TTC39C: variants seen among roughly 807,000 people sequenced by gnomAD.
The protein encoded by TTC39C is tetratricopeptide repeat protein 39C.
Under a neutral mutation model 76.3 loss-of-function variants are expected in TTC39C, and 33 were observed. That is an observed-to-expected ratio of 0.43 (90% confidence interval 0.33 to 0.58). The LOEUF (loss-of-function observed/expected upper bound fraction) is 0.58. TTC39C is among the 20% of genes least tolerant of loss of function. TTC39C has a pLI of 0.04. For missense variants in TTC39C, 595 were observed against 701.4 expected (o/e 0.85, Z 1.71); for synonymous variants, 254 against 260.6 (o/e 0.97, Z 0.24).
At chr18:24,000,309 TAAG>T (rs1281187594) in intron 1 of TTC39C, 4 of 152,024 alleles carry the variant, frequency 2.6e-5, no homozygotes, top group African/African-American at 9.7e-5. Flanking sequence ...GCAGTCCTTA[TAAG>T]AAGGAGAAAT....
At chr18:24,126,839 A>G (rs569402833) in intron 10 of TTC39C, among the ~76,000 whole-genome samples, 2 of 152,218 alleles carry the variant, frequency 1.3e-5, no homozygotes, top group African/African-American at 2.4e-5. Flanking sequence ...AAGGAGTTGC[A>G]TAATTCAAAA....
chr18:24,055,314 G>A (rs144620657), intron 1 of TTC39C, among the ~76,000 whole-genome samples: 1 of 152,264 alleles, frequency 6.6e-6, no homozygotes, highest in Non-Finnish European at 1.5e-5. Flanking sequence ...ACTGCCTATA[G>A]TTTTCCATAG....
In TTC39C at chr18:24,045,895, ATATATAT is replaced by A. The variant is rs2083863370; in HGVS notation, c.168-18244_168-18238del. Among the ~76,000 whole-genome samples, 94 of 42,314 alleles carry A rather than the reference ATATATAT, an allele frequency of 2.2e-3. 2 individuals carry two copies. Among genetic ancestry groups the A allele is most frequent in the East Asian group, 7.9e-3 (15 of 1,892 alleles). The allele number at this position is 42,314 out of a possible 152,430, so 27.8% of individuals were successfully genotyped here. A position where few individuals can be genotyped will look rare whatever the true frequency, so the allele number is the denominator to read the frequency against. ...TTAGGGTACTTCCTTCTGTGAAAATATATATATATATATATATATATATATATATATA... is the reference window on the plus strand; with the variant it reads ...TTAGGGTACTTCCTTCTGTGAAAATAATATATATATATATATATATATATA... On this transcript the variant is annotated intron_variant, in intron 1 of 13. Transcript: ENST00000317571.
chr18:24,030,648 C>CTTTTTTTTTTTTTTTTTTTT, intron 1 of TTC39C, among the ~76,000 whole-genome samples: 1 of 89,042 alleles, frequency 1.1e-5, no homozygotes, highest in Non-Finnish European at 2.0e-5. Context: ...AAAGATAGGC[C>CTTTTTTTTTTTTTTTTTTTT]TTTTTTTTTT....
intron 8 of TTC39C, among the ~76,000 whole-genome samples, chr18:24,119,482 G>T (rs1416979321): frequency 1.3e-5 from 2 of 152,104 alleles, no homozygotes; most frequent in African/African-American, 4.8e-5. Flanking sequence ...AATAAGATAG[G>T]GTTGATGAAC....
upstream of TTC39C, among the ~76,000 whole-genome samples, chr18:24,009,883 C>T (rs1408332755): frequency 1.3e-5 from 2 of 152,310 alleles, no homozygotes; most frequent in Middle Eastern, 6.8e-3. Flanking sequence ...GTTTCCTGGC[C>T]CATGGTAACT....
At chr18:24,055,018 T>A (rs2083997983) in intron 1 of TTC39C, among the ~76,000 whole-genome samples, 1 of 152,224 alleles carries the variant, frequency 6.6e-6, no homozygotes, top group Non-Finnish European at 1.5e-5. Context: ...GTGACTGGCT[T>A]GTTTCACTTA....
chr18:24,121,499 A>G (rs1402647341), intron 8 of TTC39C, among the ~76,000 whole-genome samples: 1 of 152,164 alleles, frequency 6.6e-6, no homozygotes, highest in Non-Finnish European at 1.5e-5. Flanking sequence ...GAATTGCTTG[A>G]ACCCAGGAGG....
At position 24,117,973 on chromosome 18, in the gene TTC39C, A is replaced by C. The variant is rs76293015; in HGVS notation, c.1079-152A>C. ...TTTACATTGAAAGTATTTAAGGGAA[A>C]AAATAATTTCTTAGGTTTTCAGGTT... On this transcript the variant is annotated intron_variant, in intron 7 of 13. Transcript: ENST00000317571. 924 of 531,180 alleles carry C rather than the reference A, an allele frequency of 1.7e-3. 9 individuals carry two copies. The highest frequency in any genetic ancestry group is 0.015 in the African/African-American group (755 of 50,796). The allele number at this position is 531,180 out of a possible 1,614,324, so 32.9% of individuals were successfully genotyped here.
chr18:24,074,497 A>G (rs975495506), intron 4 of TTC39C, among the ~76,000 whole-genome samples: 1 of 152,210 alleles, frequency 6.6e-6, no homozygotes, highest in Non-Finnish European at 1.5e-5. Context: ...TCAGGAAGAT[A>G]TTGGGATTGG....
chr18:24,092,827 G>A (rs1001438071), intron 6 of TTC39C, among the ~76,000 whole-genome samples: 1 of 152,184 alleles, frequency 6.6e-6, no homozygotes, highest in African/African-American at 2.4e-5. Flanking sequence ...GCTCACACCT[G>A]TAATCTCAGC....
At chr18:24,002,545 G>A (rs1310859445) in intron 1 of TTC39C, among the ~76,000 whole-genome samples, 4 of 152,212 alleles carry the variant, frequency 2.6e-5, no homozygotes, top group African/African-American at 9.7e-5. Flanking sequence ...ATGGGAGCTA[G>A]TACTGTGCTC....
intron 6 of TTC39C, among the ~76,000 whole-genome samples, chr18:24,084,942 G>A (rs2084422582): frequency 6.6e-6 from 1 of 152,214 alleles, no homozygotes. Flanking sequence ...TGAGATTACA[G>A]GTGTGAGCCA....
At position 24,070,836 on chromosome 18, in the gene TTC39C, TAAAAA is replaced by T. The variant is rs1345490577; in HGVS notation, c.460+1566_460+1570del. The stretch of plus-strand genomic sequence containing the variant: ...CCAGCCTGGGTGACAGAGTGAGACT[TAAAAA>T]GAAAAGAAAAGAAAAGAAAATACCT... On this transcript the variant is annotated intron_variant, in intron 4 of 13. Coordinates refer to ENST00000317571, the MANE Select transcript of TTC39C (RefSeq NM_001135993.2). Among the ~76,000 whole-genome samples the T allele has an allele frequency of 2.0e-4, 31 of 151,804 alleles. No homozygotes were observed. In the South Asian group the frequency reaches 5.9e-3, roughly 29 times the overall value.
intron 6 of TTC39C, among the ~76,000 whole-genome samples, chr18:24,103,183 C>G (rs1326113696): frequency 1.3e-5 from 2 of 152,168 alleles, no homozygotes; most frequent in African/African-American, 2.4e-5. Context: ...CTCATTCTGT[C>G]TAAGTCATAT....
intron 8 of TTC39C, among the ~76,000 whole-genome samples, chr18:24,118,646 G>A (rs2084925824): frequency 7.1e-6 from 1 of 140,108 alleles, no homozygotes; most frequent in Non-Finnish European, 1.5e-5. Context: ...TCTTTTTTCA[G>A]TGTGTTAATT....
intron 1 of TTC39C, among the ~76,000 whole-genome samples, chr18:24,007,659 C>T (rs2083364875): frequency 6.6e-6 from 1 of 152,256 alleles, no homozygotes; most frequent in Non-Finnish European, 1.5e-5. Context: ...GCTGGGATTA[C>T]AGGCATGAGC....
At chr18:23,995,993 G>A (rs554360269) in intron 1 of TTC39C, among the ~76,000 whole-genome samples, 3 of 152,360 alleles carry the variant, frequency 2.0e-5, no homozygotes, top group African/African-American at 4.8e-5. Context: ...ACTGCCAAAC[G>A]TTTTTCCAGA....
chr18:24,013,090 C>T (rs866968201), upstream of TTC39C: 1 of 152,194 alleles, frequency 6.6e-6, no homozygotes, highest in African/African-American at 2.4e-5. Context: ...GATGGTGACA[C>T]TGCTGATGTT....
Sources: allele counts gnomAD v4.1 joint callset (sites outside exome capture counted in the v4.1 genomes callset), GRCh38; gene constraint gnomAD v4.1.1; transcripts MANE v1.5; gene names NCBI Gene and HGNC (gene_info 2026-07-23, HGNC 2026-07-21).